The following LHFPL1 variants were observed in gnomAD, a reference collection of about 807,000 sequenced individuals.
The protein encoded by LHFPL1 is LHFPL tetraspan subfamily member 1.
Under a neutral mutation model 12.1 loss-of-function variants are expected in LHFPL1, and 4 were observed. The ratio of observed to expected loss-of-function variants is 0.33; its 90% CI spans 0.16 to 0.76. The LOEUF (loss-of-function observed/expected upper bound fraction) is 0.76, where lower values mean the gene tolerates loss of function less well. LHFPL1 is among the 30% of genes least tolerant of loss of function. The pLI is 0.61. For missense variants in LHFPL1, 141 were observed against 174.1 expected, an observed-to-expected ratio of 0.81 and a Z score of 1.07; for synonymous variants, 52 against 61.9, an observed-to-expected ratio of 0.84 and a Z score of 0.75.
At chrX:112,632,404 A>G (rs1047316087) in intron 3 of LHFPL1, among the ~76,000 whole-genome samples, 3 of 112,019 alleles carry the variant, frequency 2.7e-5, no homozygotes, top group African/African-American at 9.8e-5. Flanking sequence ...CTTTTCAGCC[A>G]TCCTTCAGAA....
intron 1 of LHFPL1, among the ~76,000 whole-genome samples, chrX:112,677,398 G>A (rs1371181575): frequency 9.0e-6 from 1 of 111,344 alleles, no homozygotes; most frequent in East Asian, 2.8e-4. Flanking sequence ...CTTGGCACTG[G>A]TGTTGGCAAA....
intron 3 of LHFPL1, among the ~76,000 whole-genome samples, chrX:112,645,145 A>G (rs1930649403): frequency 1.8e-5 from 2 of 112,288 alleles, no homozygotes; most frequent in South Asian, 7.5e-4. Flanking sequence ...TGCTACTAAT[A>G]GCAAGTTACA....
At chrX:112,639,615 C>A (rs749660091) in intron 3 of LHFPL1, among the ~76,000 whole-genome samples, 15 of 112,134 alleles carry the variant, frequency 1.3e-4, no homozygotes, top group South Asian at 3.8e-4. Context: ...AAATTGAGTC[C>A]TTCGATTAAA....
chrX:112,639,838 G>C (rs1401337698), intron 3 of LHFPL1, among the ~76,000 whole-genome samples: 1 of 112,255 alleles, frequency 8.9e-6, no homozygotes, highest in African/African-American at 3.2e-5. Context: ...GTCACCCCGT[G>C]TTGCCTTTTA....
chrX:112,670,920 G>A (rs1931476428), intron 2 of LHFPL1, 89 bp downstream of exon 2: 4 of 991,857 alleles, frequency 4.0e-6, no homozygotes, highest in Non-Finnish European at 5.5e-6. Flanking sequence ...TGAAGGGGGT[G>A]AGAATGGGTT....
At chrX:112,634,920 T>C (rs748313027) in intron 3 of LHFPL1, among the ~76,000 whole-genome samples, 1 of 91,893 alleles carries the variant, frequency 1.1e-5, no homozygotes, top group Non-Finnish European at 2.1e-5. Flanking sequence ...ACTCTACCTG[T>C]TATCTACCGG....
chrX:112,643,378 CAAAAAAAAAAAAAA>C (rs1164744066), intron 3 of LHFPL1, among the ~76,000 whole-genome samples: 2 of 38,950 alleles, frequency 5.1e-5, no homozygotes, highest in Non-Finnish European at 9.8e-5. Flanking sequence ...GACTCCGTCT[CAAAAAAAAAAAAAA>C]AAAAAAAGAA....
At chrX:112,662,799 A>C (rs1377086378) in intron 2 of LHFPL1, among the ~76,000 whole-genome samples, 1 of 111,925 alleles carries the variant, frequency 8.9e-6, no homozygotes, top group African/African-American at 3.3e-5. Flanking sequence ...CTAGGATATG[A>C]AGAGGTCGTC....
At position 112,674,131 on chromosome X, in the gene LHFPL1, AG is replaced by A. The variant is rs1398988552; in HGVS notation, c.-14-2728del. ...ACCAATGGAACAGAATAGAGAACCC[AG>A]AAAAACCCAAATACAGCCAACTGAT... On this transcript the variant is annotated intron_variant, in intron 1 of 3. Coordinates refer to ENST00000371968, the MANE Select transcript of LHFPL1 (RefSeq NM_178175.4). 2.7e-5 allele frequency among the ~76,000 whole-genome samples: 3 copies of A among 112,173 alleles called. No homozygotes were observed. In the Admixed American group the frequency reaches 2.8e-4, roughly 11 times the overall value.
chrX:112,639,888 A>C (rs1265495634), intron 3 of LHFPL1, among the ~76,000 whole-genome samples: 2 of 111,814 alleles, frequency 1.8e-5, no homozygotes, highest in East Asian at 2.8e-4. Context: ...TTCTCAGAAG[A>C]GCTTTGGGCG....
At chrX:112,661,091 C>T (rs972225554) in intron 2 of LHFPL1, among the ~76,000 whole-genome samples, 7 of 111,783 alleles carry the variant, frequency 6.3e-5, no homozygotes, top group African/African-American at 1.6e-4. Flanking sequence ...AATGTTACTA[C>T]TCTTTCCCAA....
In LHFPL1 at chrX:112,671,029, C is replaced by T. The variant is rs766335954; in HGVS notation, c.362G>A (p.Gly121Glu). Residue 121 changes from glycine to glutamate, a missense_variant, in exon 2 of 4, where the codon GGA becomes GAA. By Grantham distance (98) the Gly-to-Glu change is moderately conservative. Transcript: ENST00000371968. Reference protein sequence around the residue: ...LISRMMGRCMGAAQFVGGLLI... With the variant: ...LISRMMGRCMEAAQFVGGLLI... The stretch of plus-strand genomic sequence containing the variant: ...CTTACCTCCAACAAACTGCGCTGCT[C>T]CCATGCAACGTCCCATCATTCTGGA... 8.3e-7 allele frequency: 1 copy of T among 1,210,842 alleles called. No homozygotes were observed. Among genetic ancestry groups the T allele is most frequent in the Non-Finnish European group, 1.1e-6 (1 of 894,793 alleles).
intron 1 of LHFPL1, among the ~76,000 whole-genome samples, chrX:112,676,703 T>C (rs1442264628): frequency 8.9e-6 from 1 of 112,210 alleles, no homozygotes; most frequent in Non-Finnish European, 1.9e-5. Context: ...AAACCATACA[T>C]GGCAAATGGT....
chrX:112,637,038 C>G (rs1480339783), intron 3 of LHFPL1, among the ~76,000 whole-genome samples: 1 of 111,651 alleles, frequency 9.0e-6, no homozygotes, highest in African/African-American at 3.3e-5. Context: ...TTATGCAAAG[C>G]TTCTGGATGA....
chrX:112,673,884 G>C (rs940498258), intron 1 of LHFPL1, among the ~76,000 whole-genome samples: 3 of 111,739 alleles, frequency 2.7e-5, no homozygotes, highest in African/African-American at 9.8e-5. Context: ...CAGACATAGT[G>C]CAAACACCAT....
chrX:112,657,518 C>T (rs1340053640), intron 3 of LHFPL1, among the ~76,000 whole-genome samples: 5 of 111,851 alleles, frequency 4.5e-5, no homozygotes, highest in Admixed American at 2.8e-4. Flanking sequence ...CTCATACTTC[C>T]GATTTCAGAA....
intron 2 of LHFPL1, among the ~76,000 whole-genome samples, chrX:112,660,989 C>A (rs1219381382): frequency 8.9e-6 from 1 of 112,262 alleles, no homozygotes; most frequent in African/African-American, 3.2e-5. Context: ...ATACTTTTTA[C>A]AGCCAAAATA....
Position 112,631,339 on chromosome X carries a change from T to G in LHFPL1, c.*81A>C. 4.6e-6 allele frequency: 4 copies of G among 877,842 alleles called. No individual in the cohort carries two copies. In the East Asian group the frequency reaches 1.3e-4, roughly 28 times the overall value. The allele number at this position is 877,842 out of a possible 1,213,427, so 72.3% of individuals were successfully genotyped here. ...CTAGGCTATGCTAATGACAGTCAGATGACAAATGGCCTAATCCTTAGTACC... is the reference window on the plus strand; with the variant it reads ...CTAGGCTATGCTAATGACAGTCAGAGGACAAATGGCCTAATCCTTAGTACC... On this transcript the variant is annotated 3_prime_UTR_variant, in exon 4 of 4. Coordinates refer to ENST00000371968, the MANE Select transcript of LHFPL1 (RefSeq NM_178175.4).
At chrX:112,654,702 C>T (rs755096519) in intron 3 of LHFPL1, among the ~76,000 whole-genome samples, 31 of 110,035 alleles carry the variant, frequency 2.8e-4, no homozygotes, top group Admixed American at 5.9e-4. Flanking sequence ...AAGTTTTAAA[C>T]CTTTATATAT....
Sources: allele counts gnomAD v4.1 joint callset (sites outside exome capture counted in the v4.1 genomes callset), GRCh38; gene constraint gnomAD v4.1.1; transcripts MANE v1.5; gene names NCBI Gene and HGNC (gene_info 2026-07-23, HGNC 2026-07-21).